PTPA: variants seen among roughly 807,000 people sequenced by gnomAD.
PTPA encodes serine/threonine-protein phosphatase 2A activator.
PTPA carries 13 observed loss-of-function variants against 43.6 expected under a neutral mutation model. The observed-to-expected ratio is 0.30, with a 90% CI of 0.19 to 0.47. The LOEUF is 0.47. PTPA is among the 20% of genes least tolerant of loss of function. The pLI is 0.99. For missense variants in PTPA, 329 were observed against 411.9 expected (o/e 0.80, Z 1.74); for synonymous variants, 172 against 158.2 (o/e 1.09, Z -0.66).
chr9:129,137,516 G>T (rs1056086368), intron 7 of PTPA, 76 bp from the exon 8 acceptor site: 4 of 1,192,860 alleles, frequency 3.4e-6, no homozygotes, highest in African/African-American at 3.0e-5. Context: ...CCCTGGGGGG[G>T]TGTGACTGCT....
chr9:129,143,144 C>T (rs976330004), intron 9 of PTPA: 6 of 602,652 alleles, frequency 1.0e-5, no homozygotes, highest in African/African-American at 7.4e-5. Context: ...GGCAGGCAGC[C>T]GAGGGTGTCT....
chr9:129,138,728 G>A (rs1850552471), intron 8 of PTPA, among the ~76,000 whole-genome samples: 1 of 152,200 alleles, frequency 6.6e-6, no homozygotes, highest in Admixed American at 6.5e-5. Context: ...GAGAAAGCTG[G>A]GTTATAACCA....
At chr9:129,137,925 C>T in intron 8 of PTPA, 4 of 533,482 alleles carry the variant, frequency 7.5e-6, no homozygotes, top group Non-Finnish European at 1.1e-5. Flanking sequence ...CCACAGGAGT[C>T]TTGAGATGAG....
In PTPA at chr9:129,142,471, C is replaced by T. The variant is rs748338963; in HGVS notation, c.813C>T (p.His271=). Residue 271 remains histidine (H), a synonymous_variant, in exon 9 of 10, where the codon CAC becomes CAT. Transcript: ENST00000393370. The part of the protein sequence containing the change: ...TEMKTGPFAE[H]SNQLWNISAV... Reference sequence around the variant, plus strand: ...TGAAGACTGGCCCATTTGCAGAGCACTCCAACCAGCTGTGGAACATCAGCG... The same window carrying T: ...TGAAGACTGGCCCATTTGCAGAGCATTCCAACCAGCTGTGGAACATCAGCG... 1.0e-5 allele frequency: 16 copies of T among 1,602,044 alleles called. No homozygotes were observed. The highest frequency in any genetic ancestry group is 2.2e-5 in the East Asian group (1 of 44,576).
At chr9:129,137,507 C>T in intron 7 of PTPA, 85 bp from the exon 8 acceptor site, 1 of 1,102,262 alleles carries the variant, frequency 9.1e-7, no homozygotes, top group Non-Finnish European at 1.3e-6. Context: ...GACTGAGGCC[C>T]CTGGGGGGGT....
chr9:129,123,685 C>CT (rs941411953), intron 3 of PTPA, among the ~76,000 whole-genome samples: 14 of 148,300 alleles, frequency 9.4e-5, no homozygotes, highest in East Asian at 3.9e-4. Flanking sequence ...TTTTTTCTTT[C>CT]TTTTTTTTTT....
chr9:129,127,886 A>T lies in PTPA; in HGVS notation c.217-1099A>T, dbSNP rs562744298. The T allele has an allele frequency of 1.0e-5, 10 of 977,664 alleles. 1 individual carries two copies. In the South Asian group the frequency reaches 1.2e-4, roughly 12 times the overall value. The allele number at this position is 977,664 out of a possible 1,614,324, so 60.6% of individuals were successfully genotyped here. On this transcript the variant is annotated intron_variant, in intron 3 of 9. Coordinates refer to ENST00000393370, the MANE Select transcript of PTPA (RefSeq NM_178000.3). ...CCCAAACATTTAACAGTGAGGAATT[A>T]AATTAATTATAATGCAGTGGCACGA...
upstream of PTPA, chr9:129,111,411 C>T (rs2131518381): frequency 2.4e-6 from 3 of 1,248,254 alleles, no homozygotes; most frequent in South Asian, 4.0e-5. Flanking sequence ...CCTGAGCGCC[C>T]CGCACCGACA....
chr9:129,122,974 C>CT (rs1849346340), intron 2 of PTPA, 78 bp from the exon 3 acceptor site: 1 of 1,125,778 alleles, frequency 8.9e-7, no homozygotes. Context: ...CTTTGGTAAC[C>CT]TGGTGGAGCT....
chr9:129,111,220 A>G (rs944230820), upstream of PTPA: 2 of 1,137,634 alleles, frequency 1.8e-6, no homozygotes, highest in South Asian at 1.6e-5. Context: ...ATGGCTGAGC[A>G]CAACCCAAAC....
chr9:129,120,795 C>A (rs367570141), intron 2 of PTPA, among the ~76,000 whole-genome samples, 185 bp downstream of exon 2: 1 of 152,188 alleles, frequency 6.6e-6, no homozygotes, highest in African/African-American at 2.4e-5. Flanking sequence ...GATGCTTTAT[C>A]AGGAAGGTTG....
At chr9:129,125,012 C>T (rs1849485818) in intron 3 of PTPA, among the ~76,000 whole-genome samples, 2 of 152,146 alleles carry the variant, frequency 1.3e-5, no homozygotes, top group Non-Finnish European at 2.9e-5. Flanking sequence ...CCATTAGTGG[C>T]TTTTTGGGTT....
At chr9:129,131,318 A>C (rs1387145726) in intron 4 of PTPA, among the ~76,000 whole-genome samples, 1 of 152,192 alleles carries the variant, frequency 6.6e-6, no homozygotes, top group African/African-American at 2.4e-5. Flanking sequence ...TGGAAAAATC[A>C]GTTGATGATA....
At chr9:129,142,384 G>A in intron 8 of PTPA, 61 bp from the exon 9 acceptor site, 1 of 1,473,864 alleles carries the variant, frequency 6.8e-7, no homozygotes, top group Non-Finnish European at 9.2e-7. Flanking sequence ...TTGCTGCAGG[G>A]GAGGAGGGAT....
At chr9:129,125,565 G>A (rs1849523721) in intron 3 of PTPA, among the ~76,000 whole-genome samples, 1 of 152,128 alleles carries the variant, frequency 6.6e-6, no homozygotes, top group Admixed American at 6.6e-5. Flanking sequence ...TAGCTCAAGG[G>A]CTGTACTTTG....
At chr9:129,128,836 C>T in intron 3 of PTPA, 149 bp from the exon 4 acceptor site, 4 of 932,574 alleles carry the variant, frequency 4.3e-6, no homozygotes, top group South Asian at 3.3e-5. Context: ...CCTTCATATT[C>T]AGAACAGTGG....
At chr9:129,111,331 G>A (rs1207109747), upstream of PTPA, 11 of 1,156,708 alleles carry the variant, frequency 9.5e-6, no homozygotes, top group Non-Finnish European at 1.2e-5. Flanking sequence ...CGCCCCGCGC[G>A]CCCCGCACTG....
intron 9 of PTPA, chr9:129,142,851 C>G (rs549102581): frequency 4.6e-6 from 7 of 1,529,662 alleles, no homozygotes; most frequent in Non-Finnish European, 5.2e-6. Flanking sequence ...GGGGGCCTCC[C>G]TTCTCCTTTA....
intron 8 of PTPA, among the ~76,000 whole-genome samples, chr9:129,140,889 C>G (rs1431472514): frequency 2.0e-5 from 3 of 152,108 alleles, no homozygotes; most frequent in South Asian, 4.1e-4. Flanking sequence ...CCTGTAGGCT[C>G]GGGGTGCCTG....
Sources: gnomAD v4.1 joint callset for allele counts (sites outside exome capture counted in the v4.1 genomes callset) on GRCh38, gnomAD v4.1.1 for gene constraint, MANE v1.5 for transcripts, NCBI Gene and HGNC (gene_info 2026-07-23, HGNC 2026-07-21) for gene names.